The following NEBL variants were observed in gnomAD, a reference collection of about 807,000 sequenced individuals.
NEBL encodes the protein nebulette, also known as LIM and SH3 protein 2.
NEBL carries 122 observed loss-of-function variants against 140.2 expected under a neutral mutation model. That is an observed-to-expected ratio of 0.87 (90% CI 0.75 to 1.01). The LOEUF is 1.01. NEBL is among the 50% of genes least tolerant of loss of function. The pLI, the probability that NEBL is intolerant of heterozygous loss-of-function variation, is 0.00. For synonymous variants in NEBL, 436 were observed against 398.9 expected, an observed-to-expected ratio of 1.09 and a Z score of -1.11; for missense variants, 1,365 against 1,231.3, an observed-to-expected ratio of 1.11 and a Z score of -1.62.
intron 2 of NEBL, among the ~76,000 whole-genome samples, chr10:21,061,959 T>A (rs1041104996): frequency 2.0e-5 from 3 of 152,200 alleles, no homozygotes; most frequent in African/African-American, 7.2e-5. Context: ...CATGTCTGCT[T>A]CTGCAGGCTG....
At chr10:21,192,973 C>G (rs947356582) in intron 3 of NEBL, among the ~76,000 whole-genome samples, 1 of 152,170 alleles carries the variant, frequency 6.6e-6, no homozygotes, top group African/African-American at 2.4e-5. Context: ...CGAAGGCACA[C>G]TTTATTCCAG....
intron 2 of NEBL, among the ~76,000 whole-genome samples, chr10:21,098,961 A>G (rs1837340737): frequency 6.6e-6 from 1 of 152,096 alleles, no homozygotes; most frequent in Non-Finnish European, 1.5e-5. Context: ...TCACAGCAAG[A>G]AACCACACCC....
intron 2 of NEBL, among the ~76,000 whole-genome samples, chr10:21,147,881 T>G (rs1041452581): frequency 6.6e-6 from 1 of 152,226 alleles, no homozygotes; most frequent in Non-Finnish European, 1.5e-5. Flanking sequence ...CACTCACAGG[T>G]TCCTTCATGA....
chr10:20,929,961 G>C (rs1357750734), intron 4 of NEBL, among the ~76,000 whole-genome samples: 1 of 152,086 alleles, frequency 6.6e-6, no homozygotes, highest in Admixed American at 6.5e-5. Context: ...CTTCAGGCTT[G>C]GTACTGGGCC....
intron 2 of NEBL, among the ~76,000 whole-genome samples, chr10:21,089,293 T>C (rs1836795434): frequency 6.6e-6 from 1 of 152,124 alleles, no homozygotes; most frequent in African/African-American, 2.4e-5. Context: ...AGGGCACAGC[T>C]GGATCCCAGG....
chr10:20,808,283 G>A lies in NEBL; in HGVS notation c.2761+227C>T, dbSNP rs10828135. ...TTTGTCATTACAAATCCATTGCTGC[G>A]ATAATAGTGAAGTAAGACGGGGGGA... On this transcript the variant is annotated intron_variant, in intron 26 of 27. Coordinates refer to ENST00000377122, the MANE Select transcript of NEBL (RefSeq NM_006393.3). 1.7e-4 allele frequency among the ~76,000 whole-genome samples: 25 copies of A among 151,244 alleles called. 1 individual carries two copies. The highest frequency in any genetic ancestry group is 5.6e-4 in the African/African-American group (23 of 41,190).
intron 3 of NEBL, among the ~76,000 whole-genome samples, chr10:21,215,381 C>T (rs1841976885): frequency 6.6e-6 from 1 of 152,124 alleles, no homozygotes; most frequent in Admixed American, 6.5e-5. Flanking sequence ...TTATTATGGG[C>T]ATTTCATGGT....
intron 3 of NEBL, among the ~76,000 whole-genome samples, chr10:21,206,509 C>A (rs1014788054): frequency 5.9e-5 from 9 of 152,258 alleles, no homozygotes; most frequent in African/African-American, 2.2e-4. Flanking sequence ...GGGGTAGAAA[C>A]TGTGGATTGC....
intron 3 of NEBL, among the ~76,000 whole-genome samples, chr10:21,195,517 C>T (rs570875156): frequency 3.3e-5 from 5 of 152,278 alleles, no homozygotes; most frequent in South Asian, 2.1e-4. Flanking sequence ...CATGAACCTG[C>T]CAGACCGGCT....
At chr10:21,130,493 C>T (rs976680624) in intron 2 of NEBL, among the ~76,000 whole-genome samples, 3 of 152,148 alleles carry the variant, frequency 2.0e-5, no homozygotes, top group African/African-American at 7.2e-5. Flanking sequence ...AGACAGACCA[C>T]ATTAAATACA....
At chr10:21,252,023 C>T (rs1330481064) in intron 1 of NEBL, among the ~76,000 whole-genome samples, 1 of 152,180 alleles carries the variant, frequency 6.6e-6, no homozygotes, top group Non-Finnish European at 1.5e-5. Flanking sequence ...TCAGGCCTCA[C>T]AGCTTCCCCG....
At chr10:21,054,220 G>A (rs1012170041) in intron 2 of NEBL, among the ~76,000 whole-genome samples, 5 of 152,082 alleles carry the variant, frequency 3.3e-5, no homozygotes, top group East Asian at 1.9e-4. Flanking sequence ...TGGGGTCCAC[G>A]TACCTTTTCT....
At chr10:20,992,635 C>G (rs1417788620) in intron 3 of NEBL, among the ~76,000 whole-genome samples, 1 of 152,060 alleles carries the variant, frequency 6.6e-6, no homozygotes, top group Non-Finnish European at 1.5e-5. Context: ...GACTGCTCAG[C>G]CTCCAGACCT....
intron 2 of NEBL, chr10:21,028,983 C>T (rs886672121): frequency 3.5e-6 from 2 of 576,198 alleles, no homozygotes; most frequent in African/African-American, 3.8e-5. Context: ...GAAAGTGTTG[C>T]TTTCCCGCTC....
intron 3 of NEBL, among the ~76,000 whole-genome samples, chr10:21,007,357 G>A (rs1004223102): frequency 1.3e-5 from 2 of 152,108 alleles, no homozygotes; most frequent in Non-Finnish European, 2.9e-5. Flanking sequence ...AAGTATGGAG[G>A]GTCCTTCAGT....
chr10:21,179,317 C>T (rs1437853430), upstream of NEBL, among the ~76,000 whole-genome samples: 2 of 152,150 alleles, frequency 1.3e-5, no homozygotes, highest in Non-Finnish European at 2.9e-5. Context: ...ACAACTTGGA[C>T]ATTATGAGAC....
At chr10:20,981,442 T>C (rs1837037293) in intron 3 of NEBL, among the ~76,000 whole-genome samples, 1 of 152,178 alleles carries the variant, frequency 6.6e-6, no homozygotes, top group African/African-American at 2.4e-5. Flanking sequence ...ACAATCACTT[T>C]ATAAAGTAAA....
chr10:21,164,269 GTAATTGATT>G, intron 2 of NEBL, among the ~76,000 whole-genome samples: 1 of 152,304 alleles, frequency 6.6e-6, no homozygotes, highest in South Asian at 2.1e-4. Context: ...GAACAGAAAC[GTAATTGATT>G]TCTCCTTCCT....
At chr10:21,058,479 G>T (rs921779060) in intron 2 of NEBL, among the ~76,000 whole-genome samples, 2 of 151,794 alleles carry the variant, frequency 1.3e-5, no homozygotes, top group Non-Finnish European at 2.9e-5. Context: ...AAAAAGGAAA[G>T]AAAAAGAACA....
Sources: allele counts gnomAD v4.1 joint callset (sites outside exome capture counted in the v4.1 genomes callset), GRCh38; gene constraint gnomAD v4.1.1; transcripts MANE v1.5; gene names NCBI Gene and HGNC (gene_info 2026-07-23, HGNC 2026-07-21).